ESF1: variants seen among roughly 807,000 people sequenced by gnomAD.
The protein encoded by ESF1 is ESF1 nucleolar pre-rRNA processing protein, also known as ESF1 homolog.
Under a neutral mutation model 92.0 loss-of-function variants are expected in ESF1, and 58 were observed. The observed-to-expected ratio is 0.63, with a 90% CI of 0.51 to 0.78. The LOEUF is 0.78. Ranked by LOEUF, ESF1 falls within the 30% of genes least tolerant of loss-of-function variation. ESF1 has a pLI of 0.00. For missense variants in ESF1, 922 were observed against 989.1 expected, an observed-to-expected ratio of 0.93 and a Z score of 0.91; for synonymous variants, 321 against 313.7, an observed-to-expected ratio of 1.02 and a Z score of -0.24.
chr20:13,726,102 T>C (rs1203313070), intron 11 of ESF1, among the ~76,000 whole-genome samples: 1 of 152,184 alleles, frequency 6.6e-6, no homozygotes, highest in Non-Finnish European at 1.5e-5. Context: ...ACAACCATTA[T>C]CTTTGGTCTA....
At chr20:13,754,365 C>A (rs1227952493) in intron 9 of ESF1, among the ~76,000 whole-genome samples, 1 of 152,182 alleles carries the variant, frequency 6.6e-6, no homozygotes, top group African/African-American at 2.4e-5. Context: ...TCCTCTACCT[C>A]TAGATGTTAG....
Position 13,744,506 on chromosome 20 carries a change from A to G in ESF1, c.1829-10664T>C, listed in dbSNP as rs202043521. ...TCCCATCTCACACAGGGTGAAAGCTAAAGTCCACCCAGAGATGTAGAAAAC... is the reference window on the plus strand; with the variant it reads ...TCCCATCTCACACAGGGTGAAAGCTGAAGTCCACCCAGAGATGTAGAAAAC... On this transcript the variant is annotated intron_variant, in intron 9 of 13. Transcript: ENST00000617257. 4.6e-5 allele frequency among the ~76,000 whole-genome samples: 7 copies of G among 152,314 alleles called. No homozygotes were observed. In the East Asian group the frequency reaches 1.3e-3, roughly 29 times the overall value.
At chr20:13,782,074 C>G (rs1413918734) in intron 2 of ESF1, among the ~76,000 whole-genome samples, 1 of 152,082 alleles carries the variant, frequency 6.6e-6, no homozygotes, top group Non-Finnish European at 1.5e-5. Context: ...GATGGGGTTT[C>G]ACCATGTTGG....
At chr20:13,756,810 T>C (rs1443442984) in intron 9 of ESF1, among the ~76,000 whole-genome samples, 2 of 152,220 alleles carry the variant, frequency 1.3e-5, no homozygotes, top group African/African-American at 4.8e-5. Context: ...TGTTCTCTAC[T>C]AGTCCTGACA....
intron 10 of ESF1, among the ~76,000 whole-genome samples, chr20:13,733,371 T>C (rs1475675199): frequency 3.3e-5 from 5 of 152,192 alleles, no homozygotes; most frequent in Admixed American, 6.5e-5. Flanking sequence ...GCATATATCC[T>C]CAAGGAAAAA....
At chr20:13,734,783 C>T (rs1454204721) in intron 9 of ESF1, among the ~76,000 whole-genome samples, 1 of 151,802 alleles carries the variant, frequency 6.6e-6, no homozygotes, top group Admixed American at 6.6e-5. Flanking sequence ...AAAAAAGAGA[C>T]ATCATCAAAC....
chr20:13,718,098 C>T (rs116439259), intron 12 of ESF1, among the ~76,000 whole-genome samples: 1,789 of 152,158 alleles, frequency 0.012, 41 homozygotes, highest in African/African-American at 0.041. Flanking sequence ...AACGAGAACC[C>T]TCAAGAATCA....
intron 9 of ESF1, among the ~76,000 whole-genome samples, chr20:13,736,927 C>A (rs919553861): frequency 2.0e-5 from 3 of 152,146 alleles, no homozygotes; most frequent in African/African-American, 7.2e-5. Context: ...AATTCACACA[C>A]CACCATGATA....
chr20:13,726,584 T>C (rs886896674), intron 11 of ESF1, among the ~76,000 whole-genome samples: 2 of 152,224 alleles, frequency 1.3e-5, no homozygotes, highest in Admixed American at 1.3e-4. Context: ...CTTCTATTTC[T>C]TTCCTTGAAA....
chr20:13,784,322 T>C (rs1017843515), intron 1 of ESF1, among the ~76,000 whole-genome samples: 5 of 143,910 alleles, frequency 3.5e-5, no homozygotes, highest in Non-Finnish European at 7.6e-5. Context: ...ATATTTCTTA[T>C]TTAAAAATCA....
chr20:13,766,569 T>C (rs1979434568), intron 8 of ESF1, among the ~76,000 whole-genome samples: 1 of 152,236 alleles, frequency 6.6e-6, no homozygotes, highest in Admixed American at 6.5e-5. Flanking sequence ...TAGAAGGCCA[T>C]GCTTGGTTAG....
intron 9 of ESF1, among the ~76,000 whole-genome samples, chr20:13,740,733 A>G (rs1242454183): frequency 5.3e-5 from 8 of 152,192 alleles, no homozygotes; most frequent in Admixed American, 2.0e-4. Flanking sequence ...TAGAACACCT[A>G]AAATATGTTA....
chr20:13,728,351 G>A, intron 11 of ESF1, 27 bp downstream of exon 11: 4 of 1,553,712 alleles, frequency 2.6e-6, no homozygotes, highest in Non-Finnish European at 3.5e-6. Flanking sequence ...GATTCCAGTT[G>A]AAAACTACAG....
chr20:13,769,037 C>T (rs1305997777), intron 7 of ESF1, among the ~76,000 whole-genome samples: 2 of 151,990 alleles, frequency 1.3e-5, no homozygotes, highest in African/African-American at 2.4e-5. Context: ...TATTCCATAT[C>T]AATTCTTTTT....
rs561808343 is a variant in ESF1 at position 13,749,685 on chromosome 20, C to A, written c.1828+10007G>T. ...GGTTCAAGAGATTCTCCTGCCTCAG[C>A]CTCCCAAGTAGCTCGGACTACAGGC... On this transcript the variant is annotated intron_variant, in intron 9 of 13. Coordinates refer to ENST00000617257, the MANE Select transcript of ESF1 (RefSeq NM_001276380.2). Among the ~76,000 whole-genome samples, 3 of 152,176 alleles carry A rather than the reference C, an allele frequency of 2.0e-5. No homozygotes were observed. The East Asian group carries it at 5.8e-4, about 30-fold the overall frequency.
rs1267690818 is a variant in ESF1 at position 13,775,268 on chromosome 20, A to C, written c.1038T>G (p.Ile346Met). ...TGTTACAAACTGCTAATCGACGTGTAATCTGAGAAATGAGAAGAATTAAAT... is the reference window on the plus strand; with the variant it reads ...TGTTACAAACTGCTAATCGACGTGTCATCTGAGAAATGAGAAGAATTAAAT... ...LDKDAPRADE[I>M]TRRLAVCNMD... is the part of the protein sequence containing the mutation. The change falls in exon 4 of 14, where the codon ATT becomes ATG. Residue 346 changes from isoleucine to methionine, a missense_variant and splice_region_variant. Coordinates refer to ENST00000617257, the MANE Select transcript of ESF1 (RefSeq NM_001276380.2). The C allele has an allele frequency of 6.4e-7, 1 of 1,561,924 alleles. No individual in the cohort carries two copies. Among genetic ancestry groups the C allele is most frequent in the Admixed American group, 1.9e-5 (1 of 53,718 alleles).
intron 13 of ESF1, among the ~76,000 whole-genome samples, chr20:13,717,160 G>A (rs139277262): frequency 0.012 from 1,783 of 151,920 alleles, 41 homozygotes; most frequent in African/African-American, 0.041. Context: ...GTCCCACTAT[G>A]TTGCCCAGGC....
At chr20:13,780,471 A>G (rs1317904061) in intron 2 of ESF1, among the ~76,000 whole-genome samples, 1 of 152,160 alleles carries the variant, frequency 6.6e-6, no homozygotes, top group Non-Finnish European at 1.5e-5. Flanking sequence ...CCACACCTCA[A>G]GAGGTCTGCT....
At chr20:13,728,888 A>G (rs1219248627) in intron 10 of ESF1, among the ~76,000 whole-genome samples, 1 of 151,466 alleles carries the variant, frequency 6.6e-6, no homozygotes, top group Non-Finnish European at 1.5e-5. Flanking sequence ...TAATTAAAAG[A>G]AAAAAAAAGT....
Sources: allele counts gnomAD v4.1 joint callset (sites outside exome capture counted in the v4.1 genomes callset), GRCh38; gene constraint gnomAD v4.1.1; transcripts MANE v1.5; gene names NCBI Gene and HGNC (gene_info 2026-07-23, HGNC 2026-07-21).